Variants in ANKRD11 observed in about 807,000 individuals in gnomAD.
The protein encoded by ANKRD11 is ankyrin repeat domain-containing protein 11.
Under a neutral mutation model 195.7 loss-of-function variants are expected in ANKRD11, and 17 were observed. That is an observed-to-expected ratio of 0.09 (90% CI 0.06 to 0.13). ANKRD11 has a LOEUF of 0.13. Among genes scored for constraint, ANKRD11 ranks in the 10% least tolerant of loss-of-function variants. The pLI, the probability that ANKRD11 is intolerant of heterozygous loss-of-function variation, is 1.00. For missense variants in ANKRD11, 3,735 were observed against 3,566.1 expected (o/e 1.05, Z -1.21); for synonymous variants, 1,953 against 1,528.1 (o/e 1.28, Z -6.49).
At chr16:89,461,722 C>T (rs1165831738) in intron 1 of ANKRD11, among the ~76,000 whole-genome samples, 1 of 152,174 alleles carries the variant, frequency 6.6e-6, no homozygotes, top group Non-Finnish European at 1.5e-5. Context: ...TTTAGGCTAC[C>T]TAAATTCTCT....
At chr16:89,459,811 C>T (rs1222580512) in intron 1 of ANKRD11, among the ~76,000 whole-genome samples, 2 of 151,940 alleles carry the variant, frequency 1.3e-5, no homozygotes, top group African/African-American at 4.8e-5. Flanking sequence ...GTCGTGCCTG[C>T]AGTCCCAGCT....
At chr16:89,297,754 A>C (rs963941173) in intron 4 of ANKRD11, 2 of 152,236 alleles carry the variant, frequency 1.3e-5, no homozygotes, top group Non-Finnish European at 2.9e-5. Context: ...TCTTGTGGTG[A>C]GACTGGCTTC....
At chr16:89,461,416 A>T (rs992551995) in intron 1 of ANKRD11, among the ~76,000 whole-genome samples, 2 of 152,080 alleles carry the variant, frequency 1.3e-5, no homozygotes, top group Non-Finnish European at 2.9e-5. Context: ...AATGGTACAA[A>T]TGGTCAATTT....
At chr16:89,488,705 G>C (rs901341502) in intron 1 of ANKRD11, among the ~76,000 whole-genome samples, 9 of 152,266 alleles carry the variant, frequency 5.9e-5, no homozygotes, top group Admixed American at 5.2e-4. Context: ...GTTTGGCTAA[G>C]TCTCAACATC....
At chr16:89,489,623 C>G (rs1012128882) in intron 1 of ANKRD11, among the ~76,000 whole-genome samples, 1 of 152,014 alleles carries the variant, frequency 6.6e-6, no homozygotes, top group Admixed American at 6.5e-5. Context: ...GGCGAAGGCG[C>G]CCCTCTCGCG....
intron 2 of ANKRD11, among the ~76,000 whole-genome samples, chr16:89,394,889 G>A (rs566013102): frequency 1.0e-3 from 154 of 152,226 alleles, no homozygotes; most frequent in Non-Finnish European, 1.0e-3. Flanking sequence ...TAGCACTGTT[G>A]GAAAGCCTAA....
intron 2 of ANKRD11, chr16:89,324,311 C>A: frequency 7.9e-7 from 1 of 1,270,046 alleles, no homozygotes; most frequent in Non-Finnish European, 1.0e-6. Flanking sequence ...GACAGGAGCA[C>A]GGACACAGCA....
intron 2 of ANKRD11, among the ~76,000 whole-genome samples, chr16:89,333,383 G>A (rs528500665): frequency 2.7e-3 from 415 of 152,286 alleles, no homozygotes; most frequent in Middle Eastern, 0.027. Flanking sequence ...ATCACCCACA[G>A]GCCGCACGAC....
intron 3 of ANKRD11, among the ~76,000 whole-genome samples, chr16:89,314,180 G>A (rs896346692): frequency 6.6e-6 from 1 of 152,100 alleles, no homozygotes; most frequent in Non-Finnish European, 1.5e-5. Context: ...GGGTTATGGA[G>A]GGTGCAGAAG....
Position 89,374,052 on chromosome 16 carries a change from C to T in ANKRD11, c.-60+44232G>A, listed in dbSNP as rs180933406. Among the ~76,000 whole-genome samples, 16 of 152,336 alleles carry T rather than the reference C, an allele frequency of 1.1e-4. 1 individual carries two copies. In the East Asian group the frequency reaches 2.7e-3, roughly 26 times the overall value. ...CTGCAAAGCCAGAGTGGAGACAACA[C>T]GCAAGTGTGAGGCCCGCAGAGAGGG... On this transcript the variant is annotated intron_variant, in intron 2 of 12. Coordinates refer to ENST00000301030, the MANE Select transcript of ANKRD11 (RefSeq NM_013275.6).
At chr16:89,314,526 T>G (rs897759214) in intron 3 of ANKRD11, among the ~76,000 whole-genome samples, 1 of 152,198 alleles carries the variant, frequency 6.6e-6, no homozygotes, top group African/African-American at 2.4e-5. Flanking sequence ...ACCTGCTCTC[T>G]GTGGCTCTTC....
At chr16:89,332,657 A>G (rs1315517447) in intron 2 of ANKRD11, among the ~76,000 whole-genome samples, 1 of 152,206 alleles carries the variant, frequency 6.6e-6, no homozygotes, top group Non-Finnish European at 1.5e-5. Flanking sequence ...AAAGCAAACG[A>G]CAAACACAAC....
intron 1 of ANKRD11, among the ~76,000 whole-genome samples, chr16:89,444,666 C>A (rs1360188385): frequency 1.3e-5 from 2 of 152,148 alleles, no homozygotes; most frequent in Non-Finnish European, 1.5e-5. Context: ...AAATTCTACT[C>A]CAGGCATAGT....
At chr16:89,459,814 T>C (rs2056588679) in intron 1 of ANKRD11, among the ~76,000 whole-genome samples, 1 of 151,826 alleles carries the variant, frequency 6.6e-6, no homozygotes, top group Non-Finnish European at 1.5e-5. Flanking sequence ...GTGCCTGCAG[T>C]CCCAGCTATT....
At chr16:89,444,279 A>C (rs540720192) in intron 1 of ANKRD11, among the ~76,000 whole-genome samples, 1 of 152,192 alleles carries the variant, frequency 6.6e-6, no homozygotes, top group African/African-American at 2.4e-5. Context: ...CCATGAGATA[A>C]ATGCTCCTGC....
At chr16:89,336,516 TC>T (rs768326635) in intron 2 of ANKRD11, among the ~76,000 whole-genome samples, 2 of 152,192 alleles carry the variant, frequency 1.3e-5, no homozygotes, top group Non-Finnish European at 2.9e-5. Context: ...TGCCCAGATT[TC>T]TCACAATGTC....
intron 4 of ANKRD11, among the ~76,000 whole-genome samples, chr16:89,301,787 G>T (rs1597532941): frequency 1.3e-5 from 2 of 152,342 alleles, no homozygotes; most frequent in South Asian, 4.1e-4. Flanking sequence ...TTCTTGGCAG[G>T]CGGCCCCCAG....
In ANKRD11 at chr16:89,280,076, C is replaced by T. The variant is rs145822257; in HGVS notation, c.6466G>A (p.Val2156Met). 31 of 1,613,014 alleles carry T rather than the reference C, an allele frequency of 1.9e-5. No individual in the cohort carries two copies. The African/African-American group carries it at 3.5e-4, about 18-fold the overall frequency. The change falls in exon 9 of 13, where the codon GTG (valine) becomes ATG (methionine). Residue 2156 changes from valine to methionine, a missense_variant. Coordinates refer to ENST00000301030, the MANE Select transcript of ANKRD11 (RefSeq NM_013275.6). The stretch of plus-strand genomic sequence containing the variant: ...TCTGGAGGAGCAAGACTTTCTTCCA[C>T]GGGTTCCGCTTCACCATCTGCGGCA... ...KDAADGEAEPVEESLAPPEEM... is the reference protein window; with the variant it reads ...KDAADGEAEPMEESLAPPEEM...
chr16:89,406,575 C>T (rs754951871), intron 2 of ANKRD11, among the ~76,000 whole-genome samples: 3 of 152,164 alleles, frequency 2.0e-5, no homozygotes, highest in Non-Finnish European at 4.4e-5. Context: ...GATGTGCTTC[C>T]CCAGTGCTTA....
Sources: gnomAD v4.1 joint callset for allele counts (sites outside exome capture counted in the v4.1 genomes callset) on GRCh38, gnomAD v4.1.1 for gene constraint, MANE v1.5 for transcripts, NCBI Gene and HGNC (gene_info 2026-07-23, HGNC 2026-07-21) for gene names.